The following TTLL5 variants were observed in gnomAD, a reference collection of about 807,000 sequenced individuals.
TTLL5 encodes the protein tubulin tyrosine ligase like 5.
TTLL5 carries 132 observed loss-of-function variants against 168.4 expected under a neutral mutation model. The observed-to-expected ratio is 0.78, with a 90% CI of 0.68 to 0.91. The LOEUF (loss-of-function observed/expected upper bound fraction) is 0.91. Among genes scored for constraint, TTLL5 ranks in the 40% least tolerant of loss-of-function variants. The pLI is 0.00. For synonymous variants in TTLL5, 546 were observed against 558.6 expected, an observed-to-expected ratio of 0.98 and a Z score of 0.32; for missense variants, 1,545 against 1,581.5, an observed-to-expected ratio of 0.98 and a Z score of 0.39.
intron 30 of TTLL5, among the ~76,000 whole-genome samples, chr14:75,892,798 A>G (rs2032467040): frequency 6.6e-6 from 1 of 152,210 alleles, no homozygotes; most frequent in East Asian, 1.9e-4. Context: ...AGGCAATGAC[A>G]TACCCTTCCA....
At chr14:75,724,391 C>T (rs1184588868) in intron 12 of TTLL5, among the ~76,000 whole-genome samples, 1 of 152,140 alleles carries the variant, frequency 6.6e-6, no homozygotes, top group Non-Finnish European at 1.5e-5. Flanking sequence ...TCCTCTCAAA[C>T]CAAATTTTAT....
chr14:75,767,684 T>C (rs1891048231), intron 20 of TTLL5, among the ~76,000 whole-genome samples: 1 of 152,216 alleles, frequency 6.6e-6, no homozygotes, highest in Admixed American at 6.5e-5. Flanking sequence ...TAAGCTTTAT[T>C]TTCTAGATGA....
At chr14:75,795,154 G>A (rs1323913134) in intron 27 of TTLL5, among the ~76,000 whole-genome samples, 1 of 152,106 alleles carries the variant, frequency 6.6e-6, no homozygotes, top group African/African-American at 2.4e-5. Context: ...CCACTGACTA[G>A]CTGTGTGATC....
chr14:75,699,598 C>T (rs1016172221), intron 7 of TTLL5, among the ~76,000 whole-genome samples: 3 of 152,128 alleles, frequency 2.0e-5, no homozygotes, highest in African/African-American at 4.8e-5. Flanking sequence ...TAATTGATAG[C>T]GTATGTGTTT....
intron 28 of TTLL5, among the ~76,000 whole-genome samples, chr14:75,858,114 G>A (rs746064481): frequency 2.6e-5 from 4 of 152,194 alleles, no homozygotes; most frequent in Admixed American, 2.6e-4. Context: ...CTGCGGAGAG[G>A]TTGGGAGGAG....
At position 75,771,860 on chromosome 14, in the gene TTLL5, G is replaced by A. The variant is rs45480992; in HGVS notation, c.2136+6G>A. 4 of 1,606,692 alleles carry A rather than the reference G, an allele frequency of 2.5e-6. No individual in the cohort carries two copies. Among genetic ancestry groups the A allele is most frequent in the Non-Finnish European group, 3.4e-6 (4 of 1,177,518 alleles). On this transcript the variant is annotated splice_donor_region_variant and intron_variant, in intron 21 of 31. Transcript: ENST00000298832. ...CCAAAGAGGATGAACAGATGGTAAG[G>A]CTTTTCTTACTGAAACCTTTTTACT...
chr14:75,762,291 A>T (rs559385032), intron 18 of TTLL5, among the ~76,000 whole-genome samples: 1 of 152,236 alleles, frequency 6.6e-6, no homozygotes, highest in African/African-American at 2.4e-5. Context: ...GCTACCTGGG[A>T]GGCTGAGGCA....
rs1187400807 is a variant in TTLL5, at chr14:75,707,705, T to C, written c.738T>C (p.Ala246=). The C allele has an allele frequency of 7.4e-6, 12 of 1,613,054 alleles. No homozygotes were observed. Among genetic ancestry groups the C allele is most frequent in the Non-Finnish European group, 1.0e-5 (12 of 1,179,400 alleles). ...TCTATCTCTATGAAGAAGGATTGGCTAGGTAAGAAGCTGTTTGGGGGTGAA... is the reference window on the plus strand; with the variant it reads ...TCTATCTCTATGAAGAAGGATTGGCCAGGTAAGAAGCTGTTTGGGGGTGAA... The part of the protein sequence containing the change: ...LVIYLYEEGL[A]RFATVRYDQG... Residue 246 remains alanine (A), a splice_region_variant and synonymous_variant, in exon 9 of 32, where the codon GCT becomes GCC. Coordinates refer to ENST00000298832, the MANE Select transcript of TTLL5 (RefSeq NM_015072.5).
intron 15 of TTLL5, chr14:75,737,519 A>G: frequency 6.6e-7 from 1 of 1,509,244 alleles, no homozygotes; most frequent in Non-Finnish European, 8.8e-7. Flanking sequence ...AAATGTAGGC[A>G]TATTAGGAGA....
At chr14:75,857,738 G>T (rs998296146) in intron 28 of TTLL5, among the ~76,000 whole-genome samples, 2 of 150,652 alleles carry the variant, frequency 1.3e-5, no homozygotes, top group African/African-American at 4.9e-5. Context: ...TGCAACCTCC[G>T]CCTCCCAGGT....
At chr14:75,845,778 G>A (rs1896512310) in intron 28 of TTLL5, among the ~76,000 whole-genome samples, 1 of 152,214 alleles carries the variant, frequency 6.6e-6, no homozygotes, top group African/African-American at 2.4e-5. Context: ...TCTTTCTGAT[G>A]TGAAAGCTCA....
chr14:75,941,222 C>T (rs1027783493), intron 31 of TTLL5, among the ~76,000 whole-genome samples: 3 of 152,222 alleles, frequency 2.0e-5, no homozygotes, highest in Non-Finnish European at 2.9e-5. Context: ...CTGTGCCCGG[C>T]GCCTTTGTGA....
chr14:75,912,173 T>C lies in TTLL5; in HGVS notation c.3823+9949T>C, dbSNP rs1378012617. Among the ~76,000 whole-genome samples the C allele has an allele frequency of 3.3e-5, 5 of 151,780 alleles. No individual in the cohort carries two copies. The East Asian group carries it at 9.6e-4, about 29-fold the overall frequency. ...ACGTGACTCTCTCTATGGGATTGTT[T>C]CTCTCCTTTTTTTTTTTTACATTCA... On this transcript the variant is annotated intron_variant, in intron 31 of 31. Coordinates refer to ENST00000298832, the MANE Select transcript of TTLL5 (RefSeq NM_015072.5).
At chr14:75,903,591 T>A (rs1012361372) in intron 31 of TTLL5, among the ~76,000 whole-genome samples, 1 of 151,886 alleles carries the variant, frequency 6.6e-6, no homozygotes, top group South Asian at 2.1e-4. Flanking sequence ...TAATACACCT[T>A]AAAATGATTA....
intron 3 of TTLL5, among the ~76,000 whole-genome samples, chr14:75,673,243 C>G (rs550653395): frequency 2.0e-5 from 3 of 152,326 alleles, no homozygotes; most frequent in African/African-American, 7.2e-5. Flanking sequence ...GAATTTGCAC[C>G]TGGCTTTGTT....
intron 29 of TTLL5, among the ~76,000 whole-genome samples, chr14:75,870,052 CT>C (rs2030896009): frequency 6.6e-6 from 1 of 151,918 alleles, no homozygotes; most frequent in Admixed American, 6.6e-5. Flanking sequence ...AACTCCTGAC[CT>C]TGTGATCCAC....
chr14:75,906,555 G>C, intron 31 of TTLL5: 1 of 985,684 alleles, frequency 1.0e-6, no homozygotes, highest in Non-Finnish European at 1.2e-6. Context: ...CATTTTTCAG[G>C]ATCTTTGGAT....
chr14:75,841,804 C>T (rs969272561), intron 28 of TTLL5, among the ~76,000 whole-genome samples: 1 of 152,084 alleles, frequency 6.6e-6, no homozygotes, highest in African/African-American at 2.4e-5. Context: ...AAAAAATACA[C>T]ATATGGAAAG....
chr14:75,711,805 C>G (rs1887097164), intron 9 of TTLL5: 1 of 152,298 alleles, frequency 6.6e-6, no homozygotes, highest in African/African-American at 2.4e-5. Flanking sequence ...GCCTTCCTTG[C>G]TAATTAACAC....
Sources: allele counts gnomAD v4.1 joint callset (sites outside exome capture counted in the v4.1 genomes callset), GRCh38; gene constraint gnomAD v4.1.1; transcripts MANE v1.5; gene names NCBI Gene and HGNC (gene_info 2026-07-23, HGNC 2026-07-21).